The following CLPB variants were observed in gnomAD, a reference collection of about 807,000 sequenced individuals.
CLPB encodes the protein ClpB family mitochondrial disaggregase.
CLPB carries 40 observed loss-of-function variants against 78.4 expected under a neutral mutation model. The ratio of observed to expected loss-of-function variants is 0.51; its 90% CI spans 0.40 to 0.66. The LOEUF is 0.66. Among genes scored for constraint, CLPB ranks in the 30% least tolerant of loss-of-function variants. CLPB has a pLI of 0.00. For missense variants in CLPB, 780 were observed against 886.9 expected (o/e 0.88, Z 1.53); for synonymous variants, 333 against 348.0 (o/e 0.96, Z 0.48).
At chr11:72,405,749 A>C (rs919014500) in intron 2 of CLPB, among the ~76,000 whole-genome samples, 6 of 152,180 alleles carry the variant, frequency 3.9e-5, no homozygotes, top group Non-Finnish European at 8.8e-5. Context: ...TAACACGGTG[A>C]AACCGCATCT....
intron 2 of CLPB, among the ~76,000 whole-genome samples, chr11:72,409,082 C>T (rs1017823993): frequency 6.6e-6 from 1 of 152,194 alleles, no homozygotes; most frequent in African/African-American, 2.4e-5. Flanking sequence ...GAGTAGAATG[C>T]TTAATTCAGG....
chr11:72,358,490 TCC>T (rs1181577229), intron 5 of CLPB, among the ~76,000 whole-genome samples: 1 of 152,108 alleles, frequency 6.6e-6, no homozygotes, highest in Admixed American at 6.5e-5. Flanking sequence ...AGAGCCTGTG[TCC>T]TTTGTTTCAT....
At chr11:72,342,087 C>T (rs1045255470) in intron 5 of CLPB, among the ~76,000 whole-genome samples, 6 of 152,130 alleles carry the variant, frequency 3.9e-5, no homozygotes, top group South Asian at 4.2e-4. Flanking sequence ...CTAGTTTGAG[C>T]GACCAGTAGA....
chr11:72,348,926 T>C (rs1332044178), intron 5 of CLPB, among the ~76,000 whole-genome samples: 1 of 152,182 alleles, frequency 6.6e-6, no homozygotes, highest in Non-Finnish European at 1.5e-5. Flanking sequence ...CACTGTTAAG[T>C]GAAGGAGAGA....
intron 5 of CLPB, among the ~76,000 whole-genome samples, chr11:72,347,773 T>C (rs915713674): frequency 1.3e-5 from 2 of 152,222 alleles, no homozygotes; most frequent in African/African-American, 4.8e-5. Flanking sequence ...ATAGAATTGA[T>C]GTTGCTAATT....
intron 6 of CLPB, 150 bp from the exon 7 acceptor site, chr11:72,317,370 C>A: frequency 1.7e-6 from 1 of 584,954 alleles, no homozygotes; most frequent in Non-Finnish European, 2.9e-6. Context: ...GCTGGTCCAG[C>A]CCTTTCCACT....
At chr11:72,421,296 C>A (rs1856190246) in intron 2 of CLPB, among the ~76,000 whole-genome samples, 1 of 152,182 alleles carries the variant, frequency 6.6e-6, no homozygotes, top group Admixed American at 6.5e-5. Flanking sequence ...TCCCTTCCTT[C>A]TTGCCCCTCC....
rs762092960 is a variant in CLPB, at chr11:72,434,506, C to T, written c.-32G>A. The T allele has an allele frequency of 3.9e-5, 59 of 1,520,358 alleles. 1 individual carries two copies. Among genetic ancestry groups the T allele is most frequent in the Non-Finnish European group, 4.5e-5 (51 of 1,133,794 alleles). 94.2% of individuals were successfully genotyped at this position (1,520,358 alleles called of 1,614,324 possible). ...AGCTGCTTCGATAACCCCGTGGTGC[C>T]GGCCCCTGTGCTGACCACGTCCAAC... On this transcript the variant is annotated 5_prime_UTR_variant, in exon 1 of 16. Transcript: ENST00000538039.
intron 2 of CLPB, among the ~76,000 whole-genome samples, chr11:72,417,097 C>T (rs564634060): frequency 6.6e-6 from 1 of 152,290 alleles, no homozygotes; most frequent in Admixed American, 6.5e-5. Context: ...TGAAAACATA[C>T]ATTCACATAG....
chr11:72,399,493 T>C (rs775416911), intron 3 of CLPB, among the ~76,000 whole-genome samples: 2 of 152,228 alleles, frequency 1.3e-5, no homozygotes, highest in Non-Finnish European at 2.9e-5. Flanking sequence ...TTATTGTGCA[T>C]ATTTTTAAAG....
chr11:72,307,998 G>C (rs564144319), intron 8 of CLPB, among the ~76,000 whole-genome samples: 1 of 152,292 alleles, frequency 6.6e-6, no homozygotes, highest in African/African-American at 2.4e-5. Flanking sequence ...TGAAGGAATG[G>C]GGGGGTTCTG....
intron 2 of CLPB, among the ~76,000 whole-genome samples, chr11:72,408,795 T>C (rs535631326): frequency 1.1e-4 from 16 of 152,218 alleles, no homozygotes; most frequent in African/African-American, 3.6e-4. Flanking sequence ...AGTTGGAATT[T>C]TACAAACCAG....
chr11:72,353,406 G>A (rs1950649519), intron 5 of CLPB, among the ~76,000 whole-genome samples: 1 of 152,206 alleles, frequency 6.6e-6, no homozygotes, highest in Non-Finnish European at 1.5e-5. Flanking sequence ...GAGAAGGAAG[G>A]TAGCCAGGCA....
chr11:72,386,052 T>G (rs1384267252), intron 3 of CLPB, among the ~76,000 whole-genome samples: 2 of 152,256 alleles, frequency 1.3e-5, no homozygotes, highest in Non-Finnish European at 2.9e-5. Context: ...TAAGTTGCTT[T>G]GCAAAAAGAT....
At chr11:72,354,374 A>G in intron 5 of CLPB, 1 of 398,346 alleles carries the variant, frequency 2.5e-6, no homozygotes, top group Non-Finnish European at 4.4e-6. Flanking sequence ...ATGAGGGCTC[A>G]ATTCTCTGGA....
chr11:72,364,604 C>T (rs1565463624), intron 4 of CLPB, among the ~76,000 whole-genome samples: 1 of 152,066 alleles, frequency 6.6e-6, no homozygotes, highest in East Asian at 1.9e-4. Flanking sequence ...AAGTGGTCCT[C>T]CTGCCACAGC....
chr11:72,388,032 C>A (rs1855135788), intron 3 of CLPB, among the ~76,000 whole-genome samples: 1 of 152,238 alleles, frequency 6.6e-6, no homozygotes, highest in East Asian at 1.9e-4. Flanking sequence ...AATTTGCAGG[C>A]TGTAGGACGT....
intron 3 of CLPB, 140 bp downstream of exon 3, chr11:72,402,826 G>A (rs1855600431): frequency 4.6e-6 from 3 of 647,980 alleles, no homozygotes; most frequent in Non-Finnish European, 8.2e-6. Flanking sequence ...TGCACCAGGT[G>A]AAGTCCAGTA....
intron 3 of CLPB, among the ~76,000 whole-genome samples, chr11:72,402,155 G>A (rs1855581791): frequency 6.6e-6 from 1 of 152,148 alleles, no homozygotes. Context: ...AGCTACTCAG[G>A]AGGGTGAGGT....
Sources: allele counts gnomAD v4.1 joint callset (sites outside exome capture counted in the v4.1 genomes callset), GRCh38; gene constraint gnomAD v4.1.1; transcripts MANE v1.5; gene names NCBI Gene and HGNC (gene_info 2026-07-23, HGNC 2026-07-21).